Variants in ACOXL observed in about 807,000 individuals in gnomAD.
The protein encoded by ACOXL is acyl-coenzyme A oxidase-like protein.
In ACOXL, 70 loss-of-function variants were observed where a neutral mutation model predicts 71.9. The observed-to-expected ratio is 0.97, with a 90% CI of 0.80 to 1.19. The LOEUF (loss-of-function observed/expected upper bound fraction) is 1.19, where lower values mean the gene tolerates loss of function less well. Ranked by LOEUF, ACOXL falls within the 50% of genes most tolerant of loss-of-function variation. The pLI is 0.00. For missense variants in ACOXL, 703 were observed against 736.3 expected (o/e 0.95, Z 0.52); for synonymous variants, 253 against 281.6 (o/e 0.90, Z 1.02).
intron 10 of ACOXL, among the ~76,000 whole-genome samples, chr2:110,877,494 G>A (rs1213888458): frequency 6.6e-6 from 1 of 152,004 alleles, no homozygotes; most frequent in South Asian, 2.1e-4. Flanking sequence ...CGCAAATAGG[G>A]TTTTGTTCGG....
chr2:111,092,543 G>A (rs915048843), intron 16 of ACOXL, among the ~76,000 whole-genome samples: 1 of 152,148 alleles, frequency 6.6e-6, no homozygotes, highest in Admixed American at 6.5e-5. Context: ...AATAACGTGG[G>A]CTAGAGGAGA....
chr2:110,769,927 G>T (rs1166370515), intron 2 of ACOXL, among the ~76,000 whole-genome samples: 1 of 152,004 alleles, frequency 6.6e-6, no homozygotes, highest in Admixed American at 6.5e-5. Context: ...TGTAGTACCA[G>T]CTACTTGGGA....
intron 10 of ACOXL, among the ~76,000 whole-genome samples, chr2:110,886,376 T>G (rs1697288529): frequency 1.4e-5 from 2 of 139,682 alleles, no homozygotes; most frequent in Admixed American, 7.2e-5. Context: ...CTATCCTTCT[T>G]TTTCTTTTTT....
chr2:111,088,237 A>G (rs2068324527), intron 16 of ACOXL, among the ~76,000 whole-genome samples: 2 of 152,224 alleles, frequency 1.3e-5, no homozygotes, highest in African/African-American at 2.4e-5. Flanking sequence ...CAGTGTGGCA[A>G]TTCCTCAAAG....
At chr2:110,759,409 T>C (rs1259517237) in intron 1 of ACOXL, among the ~76,000 whole-genome samples, 3 of 152,342 alleles carry the variant, frequency 2.0e-5, no homozygotes, top group Middle Eastern at 3.4e-3. Flanking sequence ...CTTGTTGAAT[T>C]GAACACTTTA....
chr2:111,108,997 C>T (rs777972182), intron 17 of ACOXL, among the ~76,000 whole-genome samples: 25 of 152,142 alleles, frequency 1.6e-4, no homozygotes, highest in Non-Finnish European at 2.9e-4. Context: ...TTCATTGTAT[C>T]GGCTCAGCCC....
At chr2:110,914,945 C>G (rs900151128) in intron 11 of ACOXL, among the ~76,000 whole-genome samples, 2 of 152,188 alleles carry the variant, frequency 1.3e-5, no homozygotes, top group Non-Finnish European at 2.9e-5. Context: ...GAAATAAGCA[C>G]ATCATAGAGA....
intron 11 of ACOXL, among the ~76,000 whole-genome samples, chr2:110,915,430 T>A (rs866039947): frequency 9.8e-4 from 131 of 133,472 alleles, no homozygotes; most frequent in African/African-American, 2.8e-3. Context: ...ATATATATAT[T>A]TTTTTTTTTT....
chr2:110,755,767 G>A (rs985031608), intron 1 of ACOXL, among the ~76,000 whole-genome samples: 2 of 152,048 alleles, frequency 1.3e-5, no homozygotes, highest in African/African-American at 4.8e-5. Context: ...ATTTGAAATA[G>A]GTGTTATTTT....
At chr2:110,748,756 A>T (rs1053409104) in intron 1 of ACOXL, among the ~76,000 whole-genome samples, 2 of 152,128 alleles carry the variant, frequency 1.3e-5, no homozygotes, top group Admixed American at 6.5e-5. Flanking sequence ...GTTTACTAGA[A>T]GGCAGATGGT....
intron 14 of ACOXL, among the ~76,000 whole-genome samples, chr2:110,998,155 G>A (rs1490495576): frequency 6.6e-6 from 1 of 152,056 alleles, no homozygotes; most frequent in East Asian, 1.9e-4. Flanking sequence ...AATTTTTAAG[G>A]TAAGATGAAA....
chr2:110,806,598 A>C (rs1365461072), intron 9 of ACOXL, among the ~76,000 whole-genome samples: 2 of 152,236 alleles, frequency 1.3e-5, no homozygotes, highest in African/African-American at 4.8e-5. Context: ...ATGAAAGGGA[A>C]GATTGGTTAA....
chr2:110,810,963 C>A (rs1055909198), intron 9 of ACOXL, among the ~76,000 whole-genome samples: 1 of 152,148 alleles, frequency 6.6e-6, no homozygotes, highest in Non-Finnish European at 1.5e-5. Flanking sequence ...GGGGAAAAGC[C>A]CCCTTATAAA....
chr2:111,117,912 C>G lies in ACOXL; in HGVS notation c.*96C>G, dbSNP rs2070471383. 7.3e-7 allele frequency: 1 copy of G among 1,360,584 alleles called. No homozygotes were observed. The allele number at this position is 1,360,584 out of a possible 1,614,324, so 84.3% of individuals were successfully genotyped here. On this transcript the variant is annotated 3_prime_UTR_variant, in exon 18 of 18. Coordinates refer to ENST00000439055, the MANE Select transcript of ACOXL (RefSeq NM_001142807.4). ...GTGGCCGAGGCCGGGGGCTGGCACCCGCTGGGCCGCCACTCTCGGGGATTT... is the reference window on the plus strand; with the variant it reads ...GTGGCCGAGGCCGGGGGCTGGCACCGGCTGGGCCGCCACTCTCGGGGATTT...
chr2:111,105,881 C>T (rs2069511751), intron 17 of ACOXL, among the ~76,000 whole-genome samples: 1 of 152,166 alleles, frequency 6.6e-6, no homozygotes, highest in African/African-American at 2.4e-5. Flanking sequence ...TAATGAAAAT[C>T]TGCTGCCAAT....
At chr2:111,025,967 GT>G (rs2065000733) in intron 14 of ACOXL, among the ~76,000 whole-genome samples, 2 of 152,084 alleles carry the variant, frequency 1.3e-5, no homozygotes, top group African/African-American at 4.8e-5. Context: ...TTATTTCTTT[GT>G]TTTTTCATGT....
intron 16 of ACOXL, among the ~76,000 whole-genome samples, chr2:111,051,642 G>C (rs753077911): frequency 6.6e-6 from 1 of 152,064 alleles, no homozygotes; most frequent in African/African-American, 2.4e-5. Context: ...CTAATTTTTT[G>C]TATTTTTAGT....
At chr2:110,741,513 G>A (rs1484376701) in intron 1 of ACOXL, among the ~76,000 whole-genome samples, 1 of 152,196 alleles carries the variant, frequency 6.6e-6, no homozygotes, top group African/African-American at 2.4e-5. Flanking sequence ...CACACAGTGA[G>A]TGTGACAGAG....
At chr2:110,924,399 A>G (rs1427938311) in intron 11 of ACOXL, among the ~76,000 whole-genome samples, 3 of 152,218 alleles carry the variant, frequency 2.0e-5, no homozygotes, top group African/African-American at 7.2e-5. Context: ...CGTTTTACCC[A>G]CAGCAGAATT....
Sources: allele counts gnomAD v4.1 joint callset (sites outside exome capture counted in the v4.1 genomes callset), GRCh38; gene constraint gnomAD v4.1.1; transcripts MANE v1.5; gene names NCBI Gene and HGNC (gene_info 2026-07-23, HGNC 2026-07-21).